DGKH: variants seen among roughly 807,000 people sequenced by gnomAD.
DGKH encodes DAG kinase eta.
In DGKH, 90 loss-of-function variants were observed where a neutral mutation model predicts 159.3. The observed-to-expected ratio is 0.57, with a 90% confidence interval of 0.48 to 0.67. The LOEUF (loss-of-function observed/expected upper bound fraction) is 0.67. DGKH is among the 30% of genes least tolerant of loss of function. The pLI is 0.00. For synonymous variants in DGKH, 536 were observed against 553.8 expected (o/e 0.97, Z 0.45); for missense variants, 1,181 against 1,506.1 (o/e 0.78, Z 3.57).
intron 3 of DGKH, among the ~76,000 whole-genome samples, chr13:42,151,925 A>C (rs1955916103): frequency 6.6e-6 from 1 of 152,114 alleles, no homozygotes; most frequent in Non-Finnish European, 1.5e-5. Context: ...GTGTACAAGC[A>C]TTCCCTTTGC....
exon 31 of DGKH, chr13:42,256,511 A>G (rs1461517079): frequency 1.1e-6 from 1 of 919,614 alleles, no homozygotes; most frequent in East Asian, 2.4e-5. Flanking sequence ...GGTAAAAACT[A>G]AGGACATGCT....
At chr13:42,064,269 G>A (rs9590659) in intron 1 of DGKH, among the ~76,000 whole-genome samples, 1,932 of 152,260 alleles carry the variant, frequency 0.013, 38 homozygotes, top group African/African-American at 0.044. Flanking sequence ...TGAGGCTAGA[G>A]GAAAGGTATG....
chr13:42,040,495 A>G (rs1391120510), intron 1 of DGKH, among the ~76,000 whole-genome samples: 1 of 141,948 alleles, frequency 7.0e-6, no homozygotes, highest in South Asian at 2.4e-4. Context: ...CGCCGGGAGG[A>G]GGGGCGGCGG....
rs560676578 is a variant in DGKH, at chr13:42,163,975, C to G, written c.856-1356C>G. Among the ~76,000 whole-genome samples the G allele has an allele frequency of 3.3e-5, 5 of 152,198 alleles. No individual in the cohort carries two copies. The East Asian group carries it at 9.6e-4, about 29-fold the overall frequency. ...TGAATGGTAATGCCTAGGTTTTCTT[C>G]TAGGGTTTTTATGGTTTTAGGTCTA... On this transcript the variant is annotated intron_variant, in intron 7 of 29. Transcript: ENST00000337343.
At chr13:42,175,683 T>C (rs953756708) in intron 12 of DGKH, among the ~76,000 whole-genome samples, 8 of 152,146 alleles carry the variant, frequency 5.3e-5, no homozygotes, top group African/African-American at 1.7e-4. Flanking sequence ...TAAATGAAAC[T>C]TTGCTTTTTA....
At chr13:42,142,646 C>G (rs1251780163) in intron 3 of DGKH, among the ~76,000 whole-genome samples, 3 of 152,038 alleles carry the variant, frequency 2.0e-5, no homozygotes, top group South Asian at 2.1e-4. Context: ...GTATTTTATT[C>G]TTTTTGAAGC....
intron 23 of DGKH, among the ~76,000 whole-genome samples, chr13:42,209,794 C>T (rs568803930): frequency 2.0e-5 from 3 of 152,102 alleles, no homozygotes; most frequent in Non-Finnish European, 4.4e-5. Context: ...ACTGTTGAGT[C>T]AATACTGATT....
At chr13:42,065,129 C>T (rs1198203472) in intron 1 of DGKH, among the ~76,000 whole-genome samples, 9 of 152,114 alleles carry the variant, frequency 5.9e-5, no homozygotes, top group South Asian at 4.1e-4. Flanking sequence ...AGGGCACCTC[C>T]GAACGTCAGA....
chr13:42,048,661 T>C lies in DGKH; in HGVS notation c.-113T>C, dbSNP rs1880973053. 2 of 1,187,044 alleles carry C rather than the reference T, an allele frequency of 1.7e-6. No individual in the cohort carries two copies. Among genetic ancestry groups the C allele is most frequent in the Non-Finnish European group, 2.1e-6 (2 of 954,576 alleles). 73.5% of individuals were successfully genotyped at this position (1,187,044 alleles called of 1,614,324 possible). A position where few individuals can be genotyped will look rare whatever the true frequency, so the allele number is the denominator to read the frequency against. On this transcript the variant is annotated 5_prime_UTR_variant, in exon 1 of 30. An upstream start codon of the reference 5' UTR is lost. Coordinates refer to ENST00000337343, the MANE Select transcript of DGKH (RefSeq NM_178009.5). This position sits in a 1 kb window ranked among gnomAD's most constrained non-coding sequence, Gnocchi z 6.7. ...CGGGGGTAGCTAGGGAAACGGAAGA[T>C]GGCGGCGGCGGCCGGGCACGGGGTT...
intron 7 of DGKH, among the ~76,000 whole-genome samples, chr13:42,161,015 A>T (rs894785991): frequency 2.6e-5 from 4 of 152,114 alleles, no homozygotes; most frequent in African/African-American, 9.7e-5. Context: ...CTTTGTCCTC[A>T]TGCTTTTGTT....
chr13:42,100,300 A>G (rs932278823), intron 1 of DGKH, among the ~76,000 whole-genome samples: 8 of 152,186 alleles, frequency 5.3e-5, no homozygotes, highest in African/African-American at 1.9e-4. Flanking sequence ...CCCAGATGGG[A>G]CTGTCTAGTT....
chr13:42,214,760 CT>C, intron 25 of DGKH, 148 bp downstream of exon 25: 1 of 535,446 alleles, frequency 1.9e-6, no homozygotes, highest in Non-Finnish European at 2.9e-6. Context: ...TCGTGGACAA[CT>C]TTTTATTTTC....
intron 1 of DGKH, among the ~76,000 whole-genome samples, chr13:42,073,734 A>AT (rs1307486145): frequency 6.6e-6 from 1 of 152,230 alleles, no homozygotes; most frequent in Non-Finnish European, 1.5e-5. Context: ...GCATCTGTAT[A>AT]TGGTATACAA....
chr13:42,073,199 G>C (rs535370340), intron 1 of DGKH, among the ~76,000 whole-genome samples: 9 of 152,344 alleles, frequency 5.9e-5, no homozygotes, highest in East Asian at 3.9e-4. Context: ...TTAGAGCAGT[G>C]TCCTGCTCGA....
chr13:42,130,812 C>T (rs577130345), intron 3 of DGKH, among the ~76,000 whole-genome samples: 2 of 152,122 alleles, frequency 1.3e-5, no homozygotes, highest in South Asian at 4.2e-4. Context: ...CTCCCCGTCT[C>T]CCCTGATCCC....
chr13:42,189,391 T>C (rs1429547293), intron 15 of DGKH, 82 bp downstream of exon 15: 1 of 1,537,268 alleles, frequency 6.5e-7, no homozygotes, highest in African/African-American at 1.4e-5. Context: ...AGTGGTCAGA[T>C]TGGACACACT....
chr13:42,124,425 T>C (rs1294171404), intron 1 of DGKH, among the ~76,000 whole-genome samples: 1 of 152,260 alleles, frequency 6.6e-6, no homozygotes, highest in Admixed American at 6.5e-5. Flanking sequence ...GTGTGATTTA[T>C]GGAATAAAAA....
chr13:42,218,502 C>CTTT (rs56173082), intron 26 of DGKH, among the ~76,000 whole-genome samples: 10 of 88,270 alleles, frequency 1.1e-4, no homozygotes, highest in East Asian at 3.5e-4. Flanking sequence ...CATGTGGTGA[C>CTTT]TTTTTTTTTT....
chr13:42,097,888 A>G (rs534860214), intron 1 of DGKH, among the ~76,000 whole-genome samples: 38 of 152,168 alleles, frequency 2.5e-4, no homozygotes, highest in Non-Finnish European at 5.3e-4. Flanking sequence ...CCAGAGGTAC[A>G]TGGTACTGCC....
Sources: allele counts gnomAD v4.1 joint callset (sites outside exome capture counted in the v4.1 genomes callset), GRCh38; gene constraint gnomAD v4.1.1; non-coding constraint Gnocchi (gnomAD v3.1); transcripts MANE v1.5; gene names NCBI Gene and HGNC (gene_info 2026-07-23, HGNC 2026-07-21).